CFAP299: variants seen among roughly 807,000 people sequenced by gnomAD.
CFAP299 encodes cilia and flagella associated protein 299.
In CFAP299, 21 loss-of-function variants were observed where a neutral mutation model predicts 27.0. The ratio of observed to expected loss-of-function variants is 0.78; its 90% CI spans 0.55 to 1.12. The LOEUF (loss-of-function observed/expected upper bound fraction) is 1.12, where lower values mean the gene tolerates loss of function less well. Among genes scored for constraint, CFAP299 ranks in the 50% most tolerant of loss-of-function variants. CFAP299 has a pLI of 0.00. For synonymous variants in CFAP299, 104 were observed against 98.1 expected, an observed-to-expected ratio of 1.06 and a Z score of -0.36; for missense variants, 310 against 276.6, an observed-to-expected ratio of 1.12 and a Z score of -0.86.
At chr4:80,580,391 A>T (rs1736103148) in intron 2 of CFAP299, among the ~76,000 whole-genome samples, 1 of 152,034 alleles carries the variant, frequency 6.6e-6, no homozygotes, top group Admixed American at 6.6e-5. Flanking sequence ...TGTTGCCAAT[A>T]AAAAGGAAGA....
chr4:80,346,025 CTGA>C (rs1317445045), intron 1 of CFAP299, among the ~76,000 whole-genome samples: 1 of 152,174 alleles, frequency 6.6e-6, no homozygotes, highest in South Asian at 2.1e-4. Context: ...CTGATGACCA[CTGA>C]TGATGAGCAT....
rs1374430686 is a variant in CFAP299, at chr4:80,688,110, G to C, written c.333+104927G>C. On this transcript the variant is annotated intron_variant, in intron 3 of 5. Transcript: ENST00000358105. Reference sequence around the variant, plus strand: ...AACTGCAAGACGGCAGCGAGGCTGGGGGAGGGGCGCCCGCCATTGCCCAGG... The same window carrying C: ...AACTGCAAGACGGCAGCGAGGCTGGCGGAGGGGCGCCCGCCATTGCCCAGG... Among the ~76,000 whole-genome samples the C allele has an allele frequency of 9.9e-5, 15 of 152,256 alleles. No individual in the cohort carries two copies. In the East Asian group the frequency reaches 2.7e-3, roughly 27 times the overall value.
chr4:80,860,735 C>T (rs1560450439), intron 3 of CFAP299, among the ~76,000 whole-genome samples: 1 of 152,154 alleles, frequency 6.6e-6, no homozygotes, highest in Non-Finnish European at 1.5e-5. Flanking sequence ...TTTTCATGAA[C>T]CGCGAATGTT....
intron 3 of CFAP299, among the ~76,000 whole-genome samples, chr4:80,844,068 A>G (rs1041150932): frequency 1.3e-5 from 2 of 152,064 alleles, no homozygotes; most frequent in African/African-American, 2.4e-5. Context: ...CCATGTCTCT[A>G]CAAAGGACGT....
At chr4:80,420,142 T>G (rs1315454603) in intron 2 of CFAP299, 6 of 454,142 alleles carry the variant, frequency 1.3e-5, no homozygotes, top group African/African-American at 2.0e-5. Context: ...GGTCTTGTGA[T>G]GTAAATGAAA....
chr4:80,681,969 G>C (rs1272585013), intron 3 of CFAP299, among the ~76,000 whole-genome samples: 3 of 152,152 alleles, frequency 2.0e-5, no homozygotes, highest in Non-Finnish European at 4.4e-5. Context: ...TACCACCTCA[G>C]GAGTTGGTAG....
At chr4:80,639,604 T>C (rs114452262) in intron 3 of CFAP299, 4,036 of 152,480 alleles carry the variant, frequency 0.026, 84 homozygotes, top group Non-Finnish European at 0.039. Context: ...GTTAAATTCA[T>C]GGAGACAGAA....
chr4:80,335,541 A>G (rs952966765), upstream of CFAP299, among the ~76,000 whole-genome samples: 5 of 152,212 alleles, frequency 3.3e-5, no homozygotes, highest in Admixed American at 3.3e-4. Context: ...AGTTCACTGA[A>G]GCCTGAGTCG....
chr4:80,737,248 T>G (rs1473959169), intron 3 of CFAP299, among the ~76,000 whole-genome samples: 2 of 151,776 alleles, frequency 1.3e-5, no homozygotes, highest in East Asian at 3.9e-4. Context: ...CACCAGCATG[T>G]CACATGTATA....
At chr4:80,491,416 A>G (rs1333076146) in intron 2 of CFAP299, among the ~76,000 whole-genome samples, 2 of 152,174 alleles carry the variant, frequency 1.3e-5, no homozygotes, top group African/African-American at 4.8e-5. Context: ...TGTAAGAGCA[A>G]CGTATATACA....
intron 2 of CFAP299, among the ~76,000 whole-genome samples, chr4:80,389,254 C>A (rs1243920392): frequency 6.6e-6 from 1 of 152,110 alleles, no homozygotes; most frequent in African/African-American, 2.4e-5. Flanking sequence ...CTAATCATTC[C>A]TACCTAGTAT....
At chr4:80,822,300 T>G (rs1381144291) in intron 3 of CFAP299, among the ~76,000 whole-genome samples, 1 of 152,302 alleles carries the variant, frequency 6.6e-6, no homozygotes, top group East Asian at 1.9e-4. Context: ...CTGGATTTCT[T>G]GGAATTGACA....
chr4:80,749,349 A>T (rs1724798876), intron 3 of CFAP299, among the ~76,000 whole-genome samples: 1 of 152,208 alleles, frequency 6.6e-6, no homozygotes, highest in Non-Finnish European at 1.5e-5. Flanking sequence ...AAAAAAATTC[A>T]TCTTATAGGA....
At chr4:80,793,707 A>G (rs1727699745) in intron 3 of CFAP299, among the ~76,000 whole-genome samples, 1 of 152,218 alleles carries the variant, frequency 6.6e-6, no homozygotes, top group South Asian at 2.1e-4. Context: ...TATGAAGTCA[A>G]TAAATCTTAT....
intron 3 of CFAP299, among the ~76,000 whole-genome samples, chr4:80,834,833 G>A (rs186144397): frequency 3.7e-4 from 57 of 152,264 alleles, no homozygotes; most frequent in African/African-American, 1.2e-3. Flanking sequence ...GACTTGCACC[G>A]CTGGACAATG....
At chr4:80,630,208 T>A (rs1019597408) in intron 3 of CFAP299, among the ~76,000 whole-genome samples, 9 of 152,214 alleles carry the variant, frequency 5.9e-5, no homozygotes, top group African/African-American at 2.2e-4. Flanking sequence ...ACAAAAGCAG[T>A]ATTTTTGTGT....
At chr4:80,441,952 G>A (rs1204529635) in intron 2 of CFAP299, among the ~76,000 whole-genome samples, 2 of 152,154 alleles carry the variant, frequency 1.3e-5, no homozygotes, top group African/African-American at 2.4e-5. Context: ...GATCATCAGA[G>A]ACAAAGAAGG....
At chr4:80,725,111 A>ATTTTTTTTTTTTTT (rs70956062) in intron 3 of CFAP299, among the ~76,000 whole-genome samples, 2 of 88,516 alleles carry the variant, frequency 2.3e-5, no homozygotes, top group African/African-American at 5.1e-5. Context: ...TGCCTGGCCA[A>ATTTTTTTTTTTTTT]TTTTTTTTTT....
intron 4 of CFAP299, among the ~76,000 whole-genome samples, chr4:80,907,009 G>T (rs777300152): frequency 3.3e-5 from 5 of 152,074 alleles, no homozygotes; most frequent in Non-Finnish European, 4.4e-5. Context: ...ACATTGTCAG[G>T]CTACAAATTT....
Sources: gnomAD v4.1 joint callset for allele counts (sites outside exome capture counted in the v4.1 genomes callset) on GRCh38, gnomAD v4.1.1 for gene constraint, MANE v1.5 for transcripts, NCBI Gene and HGNC (gene_info 2026-07-23, HGNC 2026-07-21) for gene names.